The following RFTN2 variants were observed in gnomAD, a reference collection of about 807,000 sequenced individuals.
RFTN2 encodes raftlin family member 2, also known as raftlin-2.
Under a neutral mutation model 52.7 loss-of-function variants are expected in RFTN2, and 34 were observed. The observed-to-expected ratio is 0.64, with a 90% CI of 0.49 to 0.86. The LOEUF is 0.86. RFTN2 is among the 40% of genes least tolerant of loss of function. The pLI is 0.00. For synonymous variants in RFTN2, 203 were observed against 217.7 expected (o/e 0.93, Z 0.59); for missense variants, 536 against 600.1 (o/e 0.89, Z 1.12).
chr2:197,650,199 A>T (rs1173474510), intron 1 of RFTN2, among the ~76,000 whole-genome samples: 1 of 152,096 alleles, frequency 6.6e-6, no homozygotes, highest in Non-Finnish European at 1.5e-5. Flanking sequence ...TTAAGTATAC[A>T]CGCATTATTG....
intron 3 of RFTN2, among the ~76,000 whole-genome samples, chr2:197,637,057 T>C (rs2088579496): frequency 6.6e-6 from 1 of 151,234 alleles, no homozygotes; most frequent in African/African-American, 2.4e-5. Context: ...GATTTGTGTA[T>C]ATTGAACCAG....
At chr2:197,589,219 CAAAAAAAAAAAAAAA>C (rs35798927) in intron 8 of RFTN2, among the ~76,000 whole-genome samples, 75 of 33,554 alleles carry the variant, frequency 2.2e-3, no homozygotes, top group African/African-American at 6.0e-3. Flanking sequence ...GACTCTGTCT[CAAAAAAAAAAAAAAA>C]AAAAAAAAAA....
chr2:197,588,112 A>G, intron 8 of RFTN2: 1 of 424,874 alleles, frequency 2.4e-6, no homozygotes, highest in South Asian at 1.8e-5. Context: ...CACATTTAAT[A>G]TAGAAAATGT....
intron 5 of RFTN2, among the ~76,000 whole-genome samples, chr2:197,626,614 C>CTTTTTTTTT (rs201711932): frequency 1.0e-5 from 1 of 97,646 alleles, no homozygotes; most frequent in African/African-American, 4.2e-5. Flanking sequence ...AAGGAATAAT[C>CTTTTTTTTT]TTCTTTTTTT....
rs1193258217 is a variant in RFTN2 at position 197,591,019 on chromosome 2, A to C, written c.1233+4972T>G. Among the ~76,000 whole-genome samples, 2 of 152,178 alleles carry C rather than the reference A, an allele frequency of 1.3e-5. 1 individual carries two copies. Among genetic ancestry groups the C allele is most frequent in the Non-Finnish European group, 2.9e-5 (2 of 68,040 alleles). ...ATCTGGCCCCACCCACATCCTGCTG[A>C]TTGGTCCATTTTACAGAGAACCAAT... On this transcript the variant is annotated intron_variant, in intron 8 of 8. Transcript: ENST00000295049.
chr2:197,635,445 G>A (rs1457293848), intron 3 of RFTN2, among the ~76,000 whole-genome samples: 1 of 152,112 alleles, frequency 6.6e-6, no homozygotes, highest in Admixed American at 6.5e-5. Context: ...GGTGTGAGAT[G>A]GTATCTCATT....
At chr2:197,629,649 A>T (rs900946656) in intron 5 of RFTN2, among the ~76,000 whole-genome samples, 1 of 149,656 alleles carries the variant, frequency 6.7e-6, no homozygotes, top group Non-Finnish European at 1.5e-5. Flanking sequence ...TAACCAAAAA[A>T]TATGAAGAAA....
At chr2:197,670,476 G>A (rs2089129453) in intron 1 of RFTN2, among the ~76,000 whole-genome samples, 1 of 152,000 alleles carries the variant, frequency 6.6e-6, no homozygotes, top group South Asian at 2.1e-4. Flanking sequence ...TGGTGTTTAA[G>A]ACCAGTCTGG....
intron 8 of RFTN2, among the ~76,000 whole-genome samples, chr2:197,580,913 A>G (rs766953271): frequency 3.9e-5 from 6 of 152,026 alleles, no homozygotes; most frequent in Non-Finnish European, 7.4e-5. Context: ...TTCCCTGACT[A>G]TTCCTGGACC....
At chr2:197,618,064 C>G (rs549235267) in intron 5 of RFTN2, 143 bp from the exon 6 acceptor site, 4 of 336,254 alleles carry the variant, frequency 1.2e-5, no homozygotes, top group Non-Finnish European at 2.1e-5. Flanking sequence ...CCCCCTCCCC[C>G]TCTCCCTCTC....
At chr2:197,648,420 A>T (rs1435184664) in intron 1 of RFTN2, among the ~76,000 whole-genome samples, 1 of 152,250 alleles carries the variant, frequency 6.6e-6, no homozygotes, top group African/African-American at 2.4e-5. Context: ...GACTTTGAAG[A>T]AACAGCTGGG....
At position 197,570,995 on chromosome 2, in the gene RFTN2, G is replaced by T. The variant is rs1472913864; in HGVS notation, c.*1013C>A. 6.6e-6 allele frequency: 1 copy of T among 152,252 alleles called. No individual in the cohort carries two copies. Among genetic ancestry groups the T allele is most frequent in the African/African-American group, 2.4e-5 (1 of 41,426 alleles). The allele number at this position is 152,252 out of a possible 1,614,324, so 9.4% of individuals were successfully genotyped here. On this transcript the variant is annotated 3_prime_UTR_variant, in exon 9 of 9. Coordinates refer to ENST00000295049, the MANE Select transcript of RFTN2 (RefSeq NM_144629.3). ...AGAATTTTAAAGATTGTTAAAGGCTGGGTCAAGGCAAAGCCACCTCTATTA... is the reference window on the plus strand; with the variant it reads ...AGAATTTTAAAGATTGTTAAAGGCTTGGTCAAGGCAAAGCCACCTCTATTA...
intron 7 of RFTN2, among the ~76,000 whole-genome samples, chr2:197,609,026 T>C (rs1445953780): frequency 2.0e-4 from 30 of 152,198 alleles, no homozygotes. Context: ...CTTTATCCAG[T>C]TTATCATTAA....
intron 8 of RFTN2, among the ~76,000 whole-genome samples, chr2:197,591,124 A>T (rs1169030562): frequency 6.6e-6 from 1 of 152,192 alleles, no homozygotes; most frequent in Non-Finnish European, 1.5e-5. Context: ...AGCTAGACAC[A>T]AAAGTTCTCC....
intron 8 of RFTN2, among the ~76,000 whole-genome samples, chr2:197,591,932 G>A (rs981528058): frequency 2.0e-5 from 3 of 151,884 alleles, no homozygotes; most frequent in Admixed American, 6.6e-5. Flanking sequence ...CTCCCTCCAC[G>A]CCTCTCCCTC....
Position 197,633,796 on chromosome 2 carries a change from C to T in RFTN2, c.640G>A (p.Glu214Lys). The T allele has an allele frequency of 6.2e-7, 1 of 1,613,828 alleles. No homozygotes were observed. The highest frequency in any genetic ancestry group is 8.5e-7 in the Non-Finnish European group (1 of 1,179,806). The change falls in exon 4 of 9, where the codon GAA becomes AAA. Residue 214 changes from glutamate to lysine, a missense_variant. Transcript: ENST00000295049. ...TACTGTCCACTTTCATGATGAAGTT[C>T]TTCCTCAATTCCGCTTTCAGATGAC... ...GQSSESGIEEELHHESGQYQM... is the reference protein window; with the variant it reads ...GQSSESGIEEKLHHESGQYQM...
rs2088132462 is a variant in RFTN2 at position 197,615,857 on chromosome 2, A to C, written c.1154+19T>G. 3 of 1,273,282 alleles carry C rather than the reference A, an allele frequency of 2.4e-6. No individual in the cohort carries two copies. The highest frequency in any genetic ancestry group is 3.3e-6 in the Non-Finnish European group (3 of 895,626). 78.9% of individuals were successfully genotyped at this position (1,273,282 alleles called of 1,614,324 possible). On this transcript the variant is annotated intron_variant, in intron 7 of 8. Coordinates refer to ENST00000295049, the MANE Select transcript of RFTN2 (RefSeq NM_144629.3). Reference sequence around the variant, plus strand: ...ATATTAGAATTAAATGATAGTATGTAAGGATACTTTTGCCTTACCTGTCAT... The same window carrying C: ...ATATTAGAATTAAATGATAGTATGTCAGGATACTTTTGCCTTACCTGTCAT...
At position 197,662,108 on chromosome 2, in the gene RFTN2, CCT is replaced by C. The variant is rs574524906; in HGVS notation, c.139+13210_139+13211del. Among the ~76,000 whole-genome samples, 292 of 152,232 alleles carry C rather than the reference CCT, an allele frequency of 1.9e-3. 6 individuals are homozygous for C. Among genetic ancestry groups the C allele is most frequent in the Admixed American group, 0.018 (272 of 15,294 alleles). ...TAAGTTTTCTTTCTGTTGATTGCTTCCTTTGCTGTGAAGCTTTTCAGTTTAGT... is the reference window on the plus strand; with the variant it reads ...TAAGTTTTCTTTCTGTTGATTGCTTCTTGCTGTGAAGCTTTTCAGTTTAGT... On this transcript the variant is annotated intron_variant, in intron 1 of 8. Transcript: ENST00000295049.
rs2106188034 is a variant in RFTN2, at chr2:197,596,140, A to C, written c.1155-71T>G. On this transcript the variant is annotated intron_variant, in intron 7 of 8. Transcript: ENST00000295049. ...TCTATATTTCATAATTGGCTAGAACATTCCATATGTAGTTTTGTAAAATAA... is the reference window on the plus strand; with the variant it reads ...TCTATATTTCATAATTGGCTAGAACCTTCCATATGTAGTTTTGTAAAATAA... The C allele has an allele frequency of 3.7e-6, 3 of 821,388 alleles. No individual in the cohort carries two copies. The South Asian group carries it at 5.1e-5, about 14-fold the overall frequency. The allele number at this position is 821,388 out of a possible 1,614,324, so 50.9% of individuals were successfully genotyped here.
Sources: allele counts gnomAD v4.1 joint callset (sites outside exome capture counted in the v4.1 genomes callset), GRCh38; gene constraint gnomAD v4.1.1; transcripts MANE v1.5; gene names NCBI Gene and HGNC (gene_info 2026-07-23, HGNC 2026-07-21).